The following TMEM132D variants were observed in gnomAD, a reference collection of about 807,000 sequenced individuals.
TMEM132D encodes the protein transmembrane protein 132D, also known as mature OL transmembrane protein.
TMEM132D carries 21 observed loss-of-function variants against 62.3 expected under a neutral mutation model. The ratio of observed to expected loss-of-function variants is 0.34; its 90% CI spans 0.24 to 0.49. The LOEUF (loss-of-function observed/expected upper bound fraction) is 0.49. Among genes scored for constraint, TMEM132D ranks in the 20% least tolerant of loss-of-function variants. TMEM132D has a pLI of 0.99. For missense variants in TMEM132D, 1,346 were observed against 1,402.8 expected (o/e 0.96, Z 0.65); for synonymous variants, 621 against 575.6 (o/e 1.08, Z -1.13).
chr12:129,503,876 ATCT>A lies in TMEM132D; in HGVS notation c.1115+27180_1115+27182del, dbSNP rs779963683. On this transcript the variant is annotated intron_variant, in intron 3 of 8. Transcript: ENST00000422113. ...CTTCCAGATTTTCCTCCTCCTCCTCATCTTCTTCTTATCACCATCATCACCATA... is the reference window on the plus strand; with the variant it reads ...CTTCCAGATTTTCCTCCTCCTCCTCATCTTCTTATCACCATCATCACCATA... Among the ~76,000 whole-genome samples, 17 of 151,924 alleles carry A rather than the reference ATCT, an allele frequency of 1.1e-4. No homozygotes were observed. In the South Asian group the frequency reaches 1.2e-3, roughly 11 times the overall value.
At chr12:129,191,463 T>A (rs570645111) in intron 5 of TMEM132D, among the ~76,000 whole-genome samples, 9 of 151,860 alleles carry the variant, frequency 5.9e-5, no homozygotes, top group Non-Finnish European at 1.0e-4. Context: ...AAACTATATA[T>A]ATGAAACTAT....
intron 2 of TMEM132D, among the ~76,000 whole-genome samples, chr12:129,559,942 G>C (rs1234187482): frequency 6.6e-6 from 1 of 152,220 alleles, no homozygotes; most frequent in African/African-American, 2.4e-5. Context: ...ACAGCTGCTG[G>C]CCTCCAGTGA....
intron 3 of TMEM132D, among the ~76,000 whole-genome samples, chr12:129,432,777 A>C (rs1872697101): frequency 6.6e-6 from 1 of 152,216 alleles, no homozygotes; most frequent in Non-Finnish European, 1.5e-5. Context: ...TTTTCTATGG[A>C]AACTTTTCTT....
chr12:129,792,602 A>T (rs1871432802), intron 1 of TMEM132D, among the ~76,000 whole-genome samples: 1 of 152,222 alleles, frequency 6.6e-6, no homozygotes. Context: ...GTTGACGGTC[A>T]GGCAATACAT....
intron 1 of TMEM132D, among the ~76,000 whole-genome samples, chr12:129,768,830 A>G (rs940710915): frequency 6.6e-6 from 1 of 152,214 alleles, no homozygotes; most frequent in East Asian, 1.9e-4. Flanking sequence ...TTTTTAGCCA[A>G]AAGCATTCTT....
Position 129,650,787 on chromosome 12 carries a change from C to T in TMEM132D, c.968+49023G>A, listed in dbSNP as rs535360746. ...TTTCCTCTTTTGTGAACTGCCTGTT[C>T]ATGTGTTTTTGCTCATTTTATTTCT... is the stretch of plus-strand genomic sequence containing the variant. On this transcript the variant is annotated intron_variant, in intron 2 of 8. Transcript: ENST00000422113. Among the ~76,000 whole-genome samples the T allele has an allele frequency of 6.6e-5, 10 of 152,286 alleles. No homozygotes were observed. The South Asian group carries it at 2.1e-3, about 32-fold the overall frequency.
chr12:129,141,792 G>A (rs1876746499), intron 5 of TMEM132D, among the ~76,000 whole-genome samples: 1 of 151,996 alleles, frequency 6.6e-6, no homozygotes, highest in African/African-American at 2.4e-5. Context: ...GGGGAGCAAA[G>A]TTTGAAAAAC....
chr12:129,134,473 A>T (rs1876496033), intron 5 of TMEM132D, among the ~76,000 whole-genome samples: 1 of 152,150 alleles, frequency 6.6e-6, no homozygotes, highest in Non-Finnish European at 1.5e-5. Flanking sequence ...CCTCAGCTCA[A>T]GAGAAGTTTT....
At chr12:129,355,340 AG>A in intron 3 of TMEM132D, among the ~76,000 whole-genome samples, 1 of 151,934 alleles carries the variant, frequency 6.6e-6, no homozygotes, top group Middle Eastern at 3.4e-3. Context: ...GTCCTTAAAA[AG>A]CACACCAACA....
chr12:129,893,517 G>C (rs898446612), intron 1 of TMEM132D, among the ~76,000 whole-genome samples: 7 of 145,966 alleles, frequency 4.8e-5, no homozygotes, highest in Admixed American at 1.5e-4. Flanking sequence ...TCTTTCAAAA[G>C]ACAGACATCT....
chr12:129,124,097 G>T (rs1051576761), intron 5 of TMEM132D, among the ~76,000 whole-genome samples: 1 of 152,080 alleles, frequency 6.6e-6, no homozygotes, highest in South Asian at 2.1e-4. Flanking sequence ...ACTAATACAG[G>T]TAGCCTCATG....
chr12:129,295,184 C>T (rs751880443), intron 4 of TMEM132D, among the ~76,000 whole-genome samples: 4 of 152,154 alleles, frequency 2.6e-5, no homozygotes, highest in South Asian at 2.1e-4. Context: ...CCACAGAAGA[C>T]GACCACTACG....
chr12:129,209,818 G>A (rs1042692088), intron 4 of TMEM132D, 155 bp from the exon 5 acceptor site: 34 of 1,002,806 alleles, frequency 3.4e-5, no homozygotes, highest in Admixed American at 4.9e-5. Context: ...CTGGCTGACC[G>A]TGGCAGCCAT....
intron 2 of TMEM132D, among the ~76,000 whole-genome samples, chr12:129,611,129 ATTTTT>A (rs1389258134): frequency 2.0e-5 from 3 of 151,870 alleles, no homozygotes; most frequent in Non-Finnish European, 4.4e-5. Flanking sequence ...TCCCTTCTTT[ATTTTT>A]ATTTTTGCAT....
intron 3 of TMEM132D, among the ~76,000 whole-genome samples, chr12:129,457,838 A>G (rs1253373911): frequency 6.6e-6 from 1 of 152,164 alleles, no homozygotes; most frequent in African/African-American, 2.4e-5. Context: ...GTCTGATCCC[A>G]TGATTCAATC....
chr12:129,588,508 A>G (rs777904664), intron 2 of TMEM132D, among the ~76,000 whole-genome samples: 17 of 152,212 alleles, frequency 1.1e-4, no homozygotes, highest in Non-Finnish European at 2.2e-4. Context: ...AATAGGATGC[A>G]TGGAGTTGCC....
chr12:129,655,093 G>A (rs768987964), intron 2 of TMEM132D, among the ~76,000 whole-genome samples: 18 of 150,738 alleles, frequency 1.2e-4, no homozygotes, highest in South Asian at 2.1e-4. Flanking sequence ...GACTACAGGC[G>A]CCTGCCACCA....
chr12:129,815,821 A>G lies in TMEM132D; in HGVS notation c.79+87440T>C, dbSNP rs371331076. ...AATTACTTTGTATTTTTTAATAACTAGAAATGGAAGCTATTTTCCTTTGGA... is the reference window on the plus strand; with the variant it reads ...AATTACTTTGTATTTTTTAATAACTGGAAATGGAAGCTATTTTCCTTTGGA... On this transcript the variant is annotated intron_variant, in intron 1 of 8. Transcript: ENST00000422113. Among the ~76,000 whole-genome samples the G allele has an allele frequency of 9.8e-5, 15 of 152,352 alleles. 3 individuals are homozygous for G. Among genetic ancestry groups the G allele is most frequent in the African/African-American group, 3.6e-4 (15 of 41,584 alleles).
chr12:129,340,804 G>A (rs1457060873), intron 3 of TMEM132D, among the ~76,000 whole-genome samples: 1 of 152,162 alleles, frequency 6.6e-6, no homozygotes, highest in Non-Finnish European at 1.5e-5. Context: ...GTTTATTGCG[G>A]CACTATTCAC....
Sources: allele counts gnomAD v4.1 joint callset (sites outside exome capture counted in the v4.1 genomes callset), GRCh38; gene constraint gnomAD v4.1.1; transcripts MANE v1.5; gene names NCBI Gene and HGNC (gene_info 2026-07-23, HGNC 2026-07-21).